UBASH3B: variants seen among roughly 807,000 people sequenced by gnomAD.
The protein encoded by UBASH3B is ubiquitin associated and SH3 domain containing B.
In UBASH3B, 37 loss-of-function variants were observed where a neutral mutation model predicts 83.4. The ratio of observed to expected loss-of-function variants is 0.44; its 90% CI spans 0.34 to 0.58. The LOEUF is 0.58. UBASH3B is among the 20% of genes least tolerant of loss of function. The pLI, the probability that UBASH3B is intolerant of heterozygous loss-of-function variation, is 0.01. For synonymous variants in UBASH3B, 304 were observed against 318.3 expected, an observed-to-expected ratio of 0.96 and a Z score of 0.48; for missense variants, 657 against 827.2, an observed-to-expected ratio of 0.79 and a Z score of 2.52.
rs1433149216 is a variant in UBASH3B at position 122,783,043 on chromosome 11, C to T, written c.602-10C>T. On this transcript the variant is annotated splice_polypyrimidine_tract_variant and intron_variant, in intron 4 of 13. Transcript: ENST00000284273. ...CTTTTAATTACTGACCTTTTTCTTC[C>T]TTTTTCCAGAAGTGCATGTGGAACC... 6.2e-7 allele frequency: 1 copy of T among 1,606,250 alleles called. No individual in the cohort carries two copies. Among genetic ancestry groups the T allele is most frequent in the East Asian group, 2.2e-5 (1 of 44,760 alleles).
chr11:122,735,471 A>G (rs1371757384), intron 1 of UBASH3B, among the ~76,000 whole-genome samples: 4 of 152,210 alleles, frequency 2.6e-5, no homozygotes, highest in Non-Finnish European at 4.4e-5. Context: ...ATTCACAAAG[A>G]CCTAGACCTC....
At chr11:122,669,319 C>T (rs962039325) in intron 1 of UBASH3B, among the ~76,000 whole-genome samples, 2 of 152,142 alleles carry the variant, frequency 1.3e-5, no homozygotes, top group Non-Finnish European at 2.9e-5. Context: ...TGGCCCCTTC[C>T]TCCTCCATCT....
intron 6 of UBASH3B, among the ~76,000 whole-genome samples, chr11:122,790,716 G>A (rs953968366): frequency 6.6e-6 from 1 of 152,082 alleles, no homozygotes; most frequent in African/African-American, 2.4e-5. Flanking sequence ...GGAGGCCAGG[G>A]TGGGTGGATC....
rs997007639 is a variant in UBASH3B at position 122,748,565 on chromosome 11, C to T, written c.162-27654C>T. On this transcript the variant is annotated intron_variant, in intron 1 of 13. Transcript: ENST00000284273. ...CCTTTAGGTTGGGCTAAATAATTTA[C>T]GTTTATGCAATTTATTACTACAAAG... 6.6e-5 allele frequency among the ~76,000 whole-genome samples: 10 copies of T among 152,216 alleles called. No individual in the cohort carries two copies. The East Asian group carries it at 1.2e-3, about 18-fold the overall frequency.
At chr11:122,802,888 A>G (rs547963149) in intron 11 of UBASH3B, among the ~76,000 whole-genome samples, 1 of 152,136 alleles carries the variant, frequency 6.6e-6, no homozygotes, top group Non-Finnish European at 1.5e-5. Context: ...TGGTTAAGTG[A>G]CTTTCACCAT....
At chr11:122,682,235 T>C (rs961022067) in intron 1 of UBASH3B, among the ~76,000 whole-genome samples, 2 of 152,202 alleles carry the variant, frequency 1.3e-5, no homozygotes. Context: ...TATTTAGTAG[T>C]TGACTGTGTG....
chr11:122,718,489 T>C (rs1201178437), intron 1 of UBASH3B, among the ~76,000 whole-genome samples: 2 of 152,254 alleles, frequency 1.3e-5, no homozygotes, highest in South Asian at 4.1e-4. Context: ...GGCAAGTTAT[T>C]GAAGCTTTGA....
At chr11:122,688,317 G>T (rs1565529350) in intron 1 of UBASH3B, among the ~76,000 whole-genome samples, 1 of 151,576 alleles carries the variant, frequency 6.6e-6, no homozygotes, top group Non-Finnish European at 1.5e-5. Flanking sequence ...AGGCTGGAGC[G>T]TAGTGGCACG....
At chr11:122,681,900 C>T (rs73016228) in intron 1 of UBASH3B, among the ~76,000 whole-genome samples, 11,097 of 152,230 alleles carry the variant, frequency 0.073, 575 homozygotes, top group Non-Finnish European at 0.11. Context: ...AGCGTGTCTG[C>T]GATCCACGAT....
At position 122,663,369 on chromosome 11, in the gene UBASH3B, A is replaced by G. The variant is rs549663109; in HGVS notation, c.161+7159A>G. ...ATACATAATCACTATTAAGTCTCAG[A>G]CATTGATAATTTAATGAGGAAACTG... On this transcript the variant is annotated intron_variant, in intron 1 of 13. Coordinates refer to ENST00000284273, the MANE Select transcript of UBASH3B (RefSeq NM_032873.5). 1.6e-4 allele frequency among the ~76,000 whole-genome samples: 24 copies of G among 152,342 alleles called. 1 individual carries two copies. In the South Asian group the frequency reaches 4.8e-3, roughly 30 times the overall value.
chr11:122,767,293 T>G (rs1047899085), intron 1 of UBASH3B, among the ~76,000 whole-genome samples: 6 of 96,774 alleles, frequency 6.2e-5, no homozygotes, highest in Non-Finnish European at 1.2e-4. Context: ...TAATCTCTGA[T>G]AGTAAAGGTT....
chr11:122,806,555 G>T lies in UBASH3B; in HGVS notation c.1702+39G>T. The stretch of plus-strand genomic sequence containing the variant: ...TTCTGAACTCCATCTGTACATACGT[G>T]ATTATTTCTCTATAATGGTTAATAG... On this transcript the variant is annotated intron_variant, in intron 12 of 13. Coordinates refer to ENST00000284273, the MANE Select transcript of UBASH3B (RefSeq NM_032873.5). The surrounding 1 kb of genome is among the most constrained non-coding windows in gnomAD (Gnocchi z 4.0). The T allele has an allele frequency of 6.6e-7, 1 of 1,513,156 alleles. No individual in the cohort carries two copies. The highest frequency in any genetic ancestry group is 8.8e-7 in the Non-Finnish European group (1 of 1,138,874). 93.7% of individuals were successfully genotyped at this position (1,513,156 alleles called of 1,614,324 possible). A position where few individuals can be genotyped will look rare whatever the true frequency, so the allele number is the denominator to read the frequency against.
intron 5 of UBASH3B, among the ~76,000 whole-genome samples, chr11:122,785,672 GCTTCAA>G (rs1269489749): frequency 6.6e-6 from 1 of 152,186 alleles, no homozygotes; most frequent in Non-Finnish European, 1.5e-5. Context: ...AGCACACTTG[GCTTCAA>G]ATCCTGGCTC....
chr11:122,691,344 G>A (rs1565530753), intron 1 of UBASH3B, among the ~76,000 whole-genome samples: 1 of 152,186 alleles, frequency 6.6e-6, no homozygotes, highest in Admixed American at 6.5e-5. Context: ...GTAGGTTAAA[G>A]TCACTCTTTT....
At chr11:122,784,321 G>T (rs1860910394) in intron 5 of UBASH3B, among the ~76,000 whole-genome samples, 1 of 152,124 alleles carries the variant, frequency 6.6e-6, no homozygotes. Flanking sequence ...TGAAGCAAGA[G>T]CCCATGTATT....
At chr11:122,757,574 T>C (rs1861301750) in intron 1 of UBASH3B, among the ~76,000 whole-genome samples, 1 of 152,122 alleles carries the variant, frequency 6.6e-6, no homozygotes, top group African/African-American at 2.4e-5. Context: ...ATATTCTCAA[T>C]CCATAGTATA....
In UBASH3B at chr11:122,758,068, G is replaced by A. The variant is rs930380333; in HGVS notation, c.162-18151G>A. Among the ~76,000 whole-genome samples, 2 of 152,064 alleles carry A rather than the reference G, an allele frequency of 1.3e-5. No homozygotes were observed. The highest frequency in any genetic ancestry group is 1.5e-5 in the Non-Finnish European group (1 of 68,014). On this transcript the variant is annotated intron_variant, in intron 1 of 13. Coordinates refer to ENST00000284273, the MANE Select transcript of UBASH3B (RefSeq NM_032873.5). This position sits in a 1 kb window ranked among gnomAD's most constrained non-coding sequence, Gnocchi z 4.2. ...AGTCGAAGCTTCCTGGGGGCCCTTC[G>A]TCTGGCAAGGGCTTAGGTGTCTTTA... is the stretch of plus-strand genomic sequence containing the variant.
intron 1 of UBASH3B, among the ~76,000 whole-genome samples, chr11:122,656,537 C>T (rs1485798720): frequency 1.3e-5 from 2 of 152,194 alleles, no homozygotes; most frequent in South Asian, 2.1e-4. Context: ...CTCGCGCGCT[C>T]CCCTAGGTCT....
At chr11:122,659,497 T>TC (rs1304955349) in intron 1 of UBASH3B, among the ~76,000 whole-genome samples, 1 of 151,948 alleles carries the variant, frequency 6.6e-6, no homozygotes, top group East Asian at 1.9e-4. Context: ...TGGTCGGCCT[T>TC]CCCCCCAGTA....
Sources: allele counts gnomAD v4.1 joint callset (sites outside exome capture counted in the v4.1 genomes callset), GRCh38; gene constraint gnomAD v4.1.1; non-coding constraint Gnocchi (gnomAD v3.1); transcripts MANE v1.5; gene names NCBI Gene and HGNC (gene_info 2026-07-23, HGNC 2026-07-21).